The following MAN1A2 variants were observed in gnomAD, a reference collection of about 807,000 sequenced individuals.
The protein encoded by MAN1A2 is mannosidase alpha class 1A member 2, also known as mannosyl-oligosaccharide 1,2-alpha-mannosidase IB.
A neutral mutation model predicts 75.7 loss-of-function variants in MAN1A2; 26 were observed. That is an observed-to-expected ratio of 0.34 (90% CI 0.25 to 0.48). MAN1A2 has a LOEUF of 0.48. Among genes scored for constraint, MAN1A2 ranks in the 20% least tolerant of loss-of-function variants. The pLI is 0.99. For synonymous variants in MAN1A2, 247 were observed against 264.6 expected (o/e 0.93, Z 0.65); for missense variants, 562 against 775.5 (o/e 0.72, Z 3.27).
intron 1 of MAN1A2, among the ~76,000 whole-genome samples, chr1:117,371,989 GGTT>G (rs1652979336): frequency 6.6e-6 from 1 of 152,128 alleles, no homozygotes; most frequent in Non-Finnish European, 1.5e-5. Context: ...TATTTAACCT[GGTT>G]GTTGTTGAGT....
intron 12 of MAN1A2, among the ~76,000 whole-genome samples, chr1:117,517,464 T>C (rs1651746190): frequency 6.6e-6 from 1 of 152,062 alleles, no homozygotes; most frequent in Admixed American, 6.6e-5. Context: ...AAATCAAATT[T>C]CTCTAAACAA....
At chr1:117,403,694 C>T (rs1002860790) in intron 2 of MAN1A2, among the ~76,000 whole-genome samples, 10 of 152,106 alleles carry the variant, frequency 6.6e-5, no homozygotes, top group East Asian at 3.8e-4. Flanking sequence ...TTTTCTTATA[C>T]GTAGTCATGT....
chr1:117,391,377 T>C (rs1245039657), intron 1 of MAN1A2, among the ~76,000 whole-genome samples: 1 of 152,182 alleles, frequency 6.6e-6, no homozygotes, highest in Admixed American at 6.5e-5. Flanking sequence ...AGTTATTGAG[T>C]GAAGGATGTT....
intron 8 of MAN1A2, among the ~76,000 whole-genome samples, chr1:117,475,418 G>T (rs550231484): frequency 6.6e-6 from 1 of 151,560 alleles, no homozygotes; most frequent in South Asian, 2.1e-4. Context: ...GCCAGAACGT[G>T]GTTTGTTATG....
At chr1:117,420,526 A>T in intron 4 of MAN1A2, 43 bp from the exon 5 acceptor site, 1 of 1,344,906 alleles carries the variant, frequency 7.4e-7, no homozygotes, top group Non-Finnish European at 1.1e-6. Flanking sequence ...GAAAACTATA[A>T]AGCATTACGT....
intron 4 of MAN1A2, among the ~76,000 whole-genome samples, chr1:117,415,361 T>C (rs1402050295): frequency 6.6e-6 from 1 of 152,206 alleles, no homozygotes; most frequent in Admixed American, 6.5e-5. Context: ...TGTTTTGTCA[T>C]ATTCACATCT....
chr1:117,475,213 G>A (rs1036921984), intron 8 of MAN1A2, among the ~76,000 whole-genome samples: 1 of 151,898 alleles, frequency 6.6e-6, no homozygotes, highest in Admixed American at 6.6e-5. Flanking sequence ...AATAGTAGAT[G>A]TGTATGTTTA....
intron 12 of MAN1A2, among the ~76,000 whole-genome samples, chr1:117,509,344 C>T (rs1651463661): frequency 6.6e-6 from 1 of 151,810 alleles, no homozygotes; most frequent in Admixed American, 6.6e-5. Flanking sequence ...TATTTACTTT[C>T]ACACTGCTTA....
chr1:117,385,152 C>T (rs1046570011), intron 1 of MAN1A2, among the ~76,000 whole-genome samples: 3 of 152,086 alleles, frequency 2.0e-5, no homozygotes, highest in Non-Finnish European at 4.4e-5. Context: ...AAAATGGATG[C>T]CTGTTGAAAT....
intron 8 of MAN1A2, among the ~76,000 whole-genome samples, chr1:117,475,401 G>A (rs1650284379): frequency 6.6e-6 from 1 of 151,382 alleles, no homozygotes; most frequent in African/African-American, 2.4e-5. Flanking sequence ...GAAGTTGTGA[G>A]GTACATGCCA....
intron 2 of MAN1A2, 146 bp downstream of exon 2, chr1:117,402,587 A>G (rs1570714445): frequency 1.8e-6 from 1 of 559,542 alleles, no homozygotes; most frequent in East Asian, 3.5e-5. Context: ...AATAAGGACT[A>G]GAACTCTTTC....
chr1:117,410,360 G>A (rs768129895), intron 3 of MAN1A2, among the ~76,000 whole-genome samples: 4 of 151,786 alleles, frequency 2.6e-5, no homozygotes, highest in Non-Finnish European at 4.4e-5. Context: ...TGGAGAAAAA[G>A]CATTTAATAA....
chr1:117,393,747 A>T (rs1653810639), intron 1 of MAN1A2, among the ~76,000 whole-genome samples: 1 of 152,196 alleles, frequency 6.6e-6, no homozygotes, highest in Non-Finnish European at 1.5e-5. Flanking sequence ...ATGATTGTTA[A>T]CAATAGTTAT....
chr1:117,456,973 C>T (rs1298880415), intron 6 of MAN1A2, among the ~76,000 whole-genome samples: 1 of 152,056 alleles, frequency 6.6e-6, no homozygotes. Context: ...TCAGTTCATT[C>T]TTTGCTTTTG....
chr1:117,454,495 G>A (rs781276750), intron 6 of MAN1A2, among the ~76,000 whole-genome samples: 3 of 152,060 alleles, frequency 2.0e-5, no homozygotes, highest in Non-Finnish European at 2.9e-5. Flanking sequence ...GAAAAAAGTC[G>A]ATCTCAAATT....
chr1:117,419,953 C>A (rs1047735674), intron 4 of MAN1A2, among the ~76,000 whole-genome samples: 1 of 151,892 alleles, frequency 6.6e-6, no homozygotes, highest in South Asian at 2.1e-4. Flanking sequence ...TGCCACACTT[C>A]TACTTTAAAA....
At chr1:117,370,625 A>T (rs1475501763) in intron 1 of MAN1A2, among the ~76,000 whole-genome samples, 1 of 152,226 alleles carries the variant, frequency 6.6e-6, no homozygotes, top group African/African-American at 2.4e-5. Flanking sequence ...CTTATTTAAA[A>T]ATAATTCAGA....
At chr1:117,432,931 A>G (rs1648720167) in intron 5 of MAN1A2, among the ~76,000 whole-genome samples, 1 of 148,478 alleles carries the variant, frequency 6.7e-6, no homozygotes, top group South Asian at 2.1e-4. Flanking sequence ...TATATAAAAG[A>G]TCTTTTATAT....
chr1:117,475,317 G>C (rs1380626614), intron 8 of MAN1A2, among the ~76,000 whole-genome samples: 1 of 151,662 alleles, frequency 6.6e-6, no homozygotes, highest in African/African-American at 2.4e-5. Context: ...GCCAACACTT[G>C]ATATGATCAG....
Sources: gnomAD v4.1 joint callset for allele counts (sites outside exome capture counted in the v4.1 genomes callset) on GRCh38, gnomAD v4.1.1 for gene constraint, MANE v1.5 for transcripts, NCBI Gene and HGNC (gene_info 2026-07-23, HGNC 2026-07-21) for gene names.